Variants in TCEANC2 observed in about 807,000 individuals in gnomAD.
TCEANC2 encodes the protein transcription elongation factor A N-terminal and central domain-containing protein 2.
In TCEANC2, 20 loss-of-function variants were observed where a neutral mutation model predicts 22.8. The ratio of observed to expected loss-of-function variants is 0.88; its 90% confidence interval spans 0.62 to 1.28. The LOEUF is 1.28. Ranked by LOEUF, TCEANC2 falls within the 50% of genes most tolerant of loss-of-function variation. The pLI is 0.00. For synonymous variants in TCEANC2, 84 were observed against 95.5 expected, an observed-to-expected ratio of 0.88 and a Z score of 0.70; for missense variants, 251 against 249.7, an observed-to-expected ratio of 1.01 and a Z score of -0.03.
rs1366546476 is a variant in TCEANC2 at position 54,092,796 on chromosome 1, C to T, written c.439-3489C>T. ...CAGACATCACTAATTGGTTATGACA[C>T]CACTTCCCACTGATGAAGGAGCTCA... On this transcript the variant is annotated intron_variant, in intron 4 of 4. Coordinates refer to ENST00000234827, the MANE Select transcript of TCEANC2 (RefSeq NM_153035.3). Among the ~76,000 whole-genome samples, 3 of 152,188 alleles carry T rather than the reference C, an allele frequency of 2.0e-5. No homozygotes were observed. In the East Asian group the frequency reaches 5.8e-4, roughly 29 times the overall value.
chr1:54,109,974 A>G (rs1658815572), downstream of TCEANC2, among the ~76,000 whole-genome samples: 1 of 152,212 alleles, frequency 6.6e-6, no homozygotes, highest in Admixed American at 6.5e-5. Context: ...AGCATCCAGC[A>G]TTGCCACAGG....
In TCEANC2 at chr1:54,096,441, G is replaced by T; in HGVS notation, c.595G>T (p.Val199Phe). ...TCAGGTGAAGAGCGGCTCGCTGCCA[G>T]TCGGCACGTTTGTACAGACCCACAA... Reference protein sequence around the residue: ...RAQVKSGSLPVGTFVQTHKK With the variant: ...RAQVKSGSLPFGTFVQTHKK The change falls in exon 5 of 5, where the codon GTC becomes TTC. Residue 199 changes from valine to phenylalanine, a missense_variant. Coordinates refer to ENST00000234827, the MANE Select transcript of TCEANC2 (RefSeq NM_153035.3). This position sits in a 1 kb window ranked among gnomAD's most constrained non-coding sequence, Gnocchi z 4.9. 6.2e-7 allele frequency: 1 copy of T among 1,612,438 alleles called. No individual in the cohort carries two copies. The highest frequency in any genetic ancestry group is 8.5e-7 in the Non-Finnish European group (1 of 1,178,546).
intron 3 of TCEANC2, among the ~76,000 whole-genome samples, chr1:54,081,877 A>G (rs148522940): frequency 2.6e-5 from 4 of 152,212 alleles, no homozygotes; most frequent in African/African-American, 9.6e-5. Flanking sequence ...CACTGTCCGG[A>G]CCTGAGAGTT....
Position 54,057,347 on chromosome 1 carries a change from A to ATTTTTT in TCEANC2, c.102+2842_102+2847dup, listed in dbSNP as rs1163556776. Among the ~76,000 whole-genome samples, 120 of 85,944 alleles carry ATTTTTT rather than the reference A, an allele frequency of 1.4e-3. 1 individual carries two copies. Among genetic ancestry groups the ATTTTTT allele is most frequent in the East Asian group, 8.5e-3 (23 of 2,708 alleles). 56.4% of individuals were successfully genotyped at this position (85,944 alleles called of 152,430 possible). ...AGGCACATGCCACCACACCTGGCTA[A>ATTTTTT]TTTTTTTTTTTTTTTTTTTTTTTTG... On this transcript the variant is annotated intron_variant, in intron 2 of 4. Coordinates refer to ENST00000234827, the MANE Select transcript of TCEANC2 (RefSeq NM_153035.3).
rs143632862 is a variant in TCEANC2, at chr1:54,061,091, A to G, written c.102+6567A>G. Among the ~76,000 whole-genome samples the G allele has an allele frequency of 1.2e-3, 176 of 152,358 alleles. 3 individuals are homozygous for G. The East Asian group carries it at 0.028, about 24-fold the overall frequency. On this transcript the variant is annotated intron_variant, in intron 2 of 4. Coordinates refer to ENST00000234827, the MANE Select transcript of TCEANC2 (RefSeq NM_153035.3). ...TCTAGGGAAGTAGTGACATATAACC[A>G]TTCAATGAGTGGTATGTGCTCTTCT...
At chr1:54,085,191 A>G (rs896477833) in intron 3 of TCEANC2, among the ~76,000 whole-genome samples, 4 of 152,202 alleles carry the variant, frequency 2.6e-5, no homozygotes, top group Admixed American at 2.0e-4. Flanking sequence ...TTTATTTTTC[A>G]ACTCCAGGAT....
intron 4 of TCEANC2, among the ~76,000 whole-genome samples, chr1:54,089,660 C>G (rs1258094401): frequency 6.6e-6 from 1 of 152,156 alleles, no homozygotes; most frequent in African/African-American, 2.4e-5. Context: ...ATAAGCAATT[C>G]AGAAGTCTGA....
intron 4 of TCEANC2, among the ~76,000 whole-genome samples, chr1:54,091,183 A>G (rs1658440922): frequency 1.3e-5 from 2 of 151,914 alleles, no homozygotes; most frequent in South Asian, 4.2e-4. Context: ...CTTTCCTTGC[A>G]TAAACAGCAT....
At chr1:54,065,156 A>G (rs1657929283) in intron 2 of TCEANC2, among the ~76,000 whole-genome samples, 1 of 152,202 alleles carries the variant, frequency 6.6e-6, no homozygotes, top group African/African-American at 2.4e-5. Flanking sequence ...AGAAGAAGAA[A>G]AACAGAACTT....
In TCEANC2 at chr1:54,099,690, G is replaced by A. The variant is rs1469546971; in HGVS notation, c.*3217G>A. The A allele has an allele frequency of 4.0e-5, 6 of 148,726 alleles. No individual in the cohort carries two copies. The highest frequency in any genetic ancestry group is 8.9e-5 in the Non-Finnish European group (6 of 67,752). 9.2% of individuals were successfully genotyped at this position (148,726 alleles called of 1,614,324 possible). On this transcript the variant is annotated 3_prime_UTR_variant, in exon 5 of 5. Transcript: ENST00000234827. ...ACCTGGGAGATGGAGGCTGCAGTAA[G>A]CCAAGATTGTACCACTGCACTCCAG... is the stretch of plus-strand genomic sequence containing the variant.
downstream of TCEANC2, among the ~76,000 whole-genome samples, chr1:54,110,520 C>T (rs1658823186): frequency 6.6e-6 from 1 of 152,058 alleles, no homozygotes; most frequent in African/African-American, 2.4e-5. Flanking sequence ...GGGAGGATTG[C>T]CTGAGTCTGG....
chr1:54,087,768 A>C (rs1658367839), intron 3 of TCEANC2, among the ~76,000 whole-genome samples: 1 of 152,236 alleles, frequency 6.6e-6, no homozygotes, highest in African/African-American at 2.4e-5. Flanking sequence ...CAAACAAAAA[A>C]CAACAACAAA....
downstream of TCEANC2, chr1:54,111,029 A>T (rs1165470197): frequency 2.0e-5 from 3 of 152,158 alleles, no homozygotes; most frequent in Admixed American, 1.3e-4. Context: ...TTCCCTTGCT[A>T]ATTTTTTTGC....
At chr1:54,092,927 C>G (rs374172130) in intron 4 of TCEANC2, among the ~76,000 whole-genome samples, 9 of 152,306 alleles carry the variant, frequency 5.9e-5, no homozygotes, top group East Asian at 5.8e-4. Flanking sequence ...TTCTGACTCT[C>G]TGTCTCTGGG....
At position 54,070,758 on chromosome 1, in the gene TCEANC2, C is replaced by A. The variant is rs140579606; in HGVS notation, c.244+1861C>A. Among the ~76,000 whole-genome samples, 133 of 152,276 alleles carry A rather than the reference C, an allele frequency of 8.7e-4. 1 individual carries two copies. The highest frequency in any genetic ancestry group is 6.8e-3 in the Middle Eastern group (2 of 294). ...CTTTAGTCTTCCTGCCTTTTCCTAT[C>A]CTGTGGGTTATAAGGGACAAATATT... On this transcript the variant is annotated intron_variant, in intron 3 of 4. Transcript: ENST00000234827.
intron 4 of TCEANC2, among the ~76,000 whole-genome samples, chr1:54,090,565 AT>A (rs1658423508): frequency 1.3e-5 from 2 of 151,832 alleles, no homozygotes; most frequent in Non-Finnish European, 2.9e-5. Context: ...ATATATCTTT[AT>A]TTTTTCATGT....
intron 2 of TCEANC2, among the ~76,000 whole-genome samples, chr1:54,061,015 T>C (rs1354254003): frequency 6.6e-6 from 1 of 151,944 alleles, no homozygotes; most frequent in Non-Finnish European, 1.5e-5. Flanking sequence ...AAGAAGGCTA[T>C]GTGGCAGGGC....
At chr1:54,112,181 AAACAACAACAACAACAACAAC>A (rs141103002) in exon 5 of TCEANC2, 12 of 149,248 alleles carry the variant, frequency 8.0e-5, no homozygotes, top group African/African-American at 3.0e-4. Context: ...CAATTCTACA[AAACAACAACAACAACAACAAC>A]AACAACAACA....
intron 4 of TCEANC2, among the ~76,000 whole-genome samples, chr1:54,092,546 T>C (rs935439702): frequency 3.3e-5 from 5 of 152,220 alleles, no homozygotes; most frequent in African/African-American, 1.2e-4. Flanking sequence ...AGGGCATTCA[T>C]TTAACAAATA....
Sources: gnomAD v4.1 joint callset for allele counts (sites outside exome capture counted in the v4.1 genomes callset) on GRCh38, gnomAD v4.1.1 for gene constraint, Gnocchi (gnomAD v3.1) non-coding constraint, MANE v1.5 for transcripts, NCBI Gene and HGNC (gene_info 2026-07-23, HGNC 2026-07-21) for gene names.